Variants in LRCH3 observed in about 807,000 individuals in gnomAD.
LRCH3 encodes DISP complex protein LRCH3.
A neutral mutation model predicts 104.5 loss-of-function variants in LRCH3; 68 were observed. That is an observed-to-expected ratio of 0.65 (90% confidence interval 0.54 to 0.80). The LOEUF is 0.80. LRCH3 is among the 30% of genes least tolerant of loss of function. The pLI, the probability that LRCH3 is intolerant of heterozygous loss-of-function variation, is 0.00. For missense variants in LRCH3, 951 were observed against 953.9 expected (o/e 1.00, Z 0.04); for synonymous variants, 344 against 361.3 (o/e 0.95, Z 0.54).
rs572384791 is a variant in LRCH3 at position 197,844,465 on chromosome 3, C to T, written c.1329-2944C>T. On this transcript the variant is annotated intron_variant, in intron 10 of 20. Transcript: ENST00000425562. Reference sequence around the variant, plus strand: ...GGAGTGCAGTGGTGTCATCATAGCTCATAAGCAGCCTTGATCTCCTGGACT... The same window carrying T: ...GGAGTGCAGTGGTGTCATCATAGCTTATAAGCAGCCTTGATCTCCTGGACT... Among the ~76,000 whole-genome samples the T allele has an allele frequency of 5.9e-5, 9 of 152,208 alleles. No homozygotes were observed. In the East Asian group the frequency reaches 1.7e-3, roughly 29 times the overall value.
chr3:197,821,954 G>GTGAGCCACTGCACCTGGCCA lies in LRCH3; in HGVS notation c.640+1525_640+1544dup, dbSNP rs1380008375. ...CTGTCAGAGTGCTGGGATTATAGGC[G>GTGAGCCACTGCACCTGGCCA]TGAGCCACTGCACCTGGCCACAATA... On this transcript the variant is annotated intron_variant, in intron 4 of 20. Coordinates refer to ENST00000425562, the MANE Select transcript of LRCH3 (RefSeq NM_001365715.1). Among the ~76,000 whole-genome samples the GTGAGCCACTGCACCTGGCCA allele has an allele frequency of 2.6e-5, 4 of 152,182 alleles. No individual in the cohort carries two copies. The East Asian group carries it at 7.7e-4, about 29-fold the overall frequency.
At chr3:197,864,822 A>T (rs1380706836) in intron 15 of LRCH3, among the ~76,000 whole-genome samples, 3 of 150,422 alleles carry the variant, frequency 2.0e-5, no homozygotes, top group Admixed American at 6.6e-5. Flanking sequence ...GGAGGTTGAG[A>T]CTAACCTGGC....
rs752529036 is a variant in LRCH3 at position 197,814,948 on chromosome 3, A to G, written c.303A>G (p.Ala101=). ...GCCTTTCAGAAATTCCTATAGAAGC[A>G]TGTCACTTTGTTTCTCTGGAAAATC... ...RNRLSEIPIE[A]CHFVSLENLN... Residue 101 remains alanine, a synonymous_variant, in exon 2 of 21, where the codon GCA becomes GCG. Coordinates refer to ENST00000425562, the MANE Select transcript of LRCH3 (RefSeq NM_001365715.1). 1.9e-6 allele frequency: 3 copies of G among 1,601,702 alleles called. No individual in the cohort carries two copies. Among genetic ancestry groups the G allele is most frequent in the African/African-American group, 1.3e-5 (1 of 74,640 alleles).
chr3:197,797,144 A>G (rs1481816537), intron 1 of LRCH3, among the ~76,000 whole-genome samples: 3 of 152,020 alleles, frequency 2.0e-5, no homozygotes, highest in Admixed American at 6.6e-5. Flanking sequence ...CCTGGCCAAC[A>G]TGGTGAAACC....
chr3:197,791,568 C>T lies in LRCH3; in HGVS notation c.262+28C>T, dbSNP rs572039516. Reference sequence around the variant, plus strand: ...GAGCGGGGCGGGGGGCGTCTCTGCCCGTCGGAGACCCGGCGCCGGGAGCCG... The same window carrying T: ...GAGCGGGGCGGGGGGCGTCTCTGCCTGTCGGAGACCCGGCGCCGGGAGCCG... On this transcript the variant is annotated intron_variant, in intron 1 of 20. Transcript: ENST00000425562. 5 of 1,506,320 alleles carry T rather than the reference C, an allele frequency of 3.3e-6. No homozygotes were observed. The African/African-American group carries it at 5.9e-5, about 18-fold the overall frequency. 93.3% of individuals were successfully genotyped at this position (1,506,320 alleles called of 1,614,324 possible).
At chr3:197,800,447 G>C (rs1731751575) in intron 1 of LRCH3, among the ~76,000 whole-genome samples, 1 of 152,132 alleles carries the variant, frequency 6.6e-6, no homozygotes. Flanking sequence ...AACCTCATCA[G>C]TAATCAAGAG....
At chr3:197,858,122 A>T (rs767388369) in intron 14 of LRCH3, among the ~76,000 whole-genome samples, 19 of 151,760 alleles carry the variant, frequency 1.3e-4, no homozygotes, top group Non-Finnish European at 2.6e-4. Flanking sequence ...TCTGATTTCC[A>T]CTCTCCATGT....
At chr3:197,800,711 TATG>T (rs750108688) in intron 1 of LRCH3, among the ~76,000 whole-genome samples, 2 of 152,194 alleles carry the variant, frequency 1.3e-5, no homozygotes, top group Non-Finnish European at 2.9e-5. Flanking sequence ...GGATATATAG[TATG>T]ATAAGACTGT....
Position 197,805,734 on chromosome 3 carries a change from T to A in LRCH3, c.263-9174T>A, listed in dbSNP as rs1025775117. ...CAGAATGGTAAGATCTCTAGGCATC[T>A]CCCTGCTTGGCTGATATACTCCTCT... On this transcript the variant is annotated intron_variant, in intron 1 of 20. Coordinates refer to ENST00000425562, the MANE Select transcript of LRCH3 (RefSeq NM_001365715.1). Among the ~76,000 whole-genome samples the A allele has an allele frequency of 4.1e-4, 62 of 151,772 alleles. 1 individual carries two copies. Among genetic ancestry groups the A allele is most frequent in the Non-Finnish European group, 4.0e-4 (27 of 67,980 alleles).
At position 197,883,098 on chromosome 3, in the gene LRCH3, T is replaced by A; in HGVS notation, c.2209-443T>A. 1 of 986,178 alleles carries A rather than the reference T, an allele frequency of 1.0e-6. No homozygotes were observed. Among genetic ancestry groups the A allele is most frequent in the Non-Finnish European group, 1.2e-6 (1 of 830,470 alleles). The allele number at this position is 986,178 out of a possible 1,614,324, so 61.1% of individuals were successfully genotyped here. A position where few individuals can be genotyped will look rare whatever the true frequency, so the allele number is the denominator to read the frequency against. On this transcript the variant is annotated intron_variant, in intron 20 of 20. Transcript: ENST00000425562. This position sits in a 1 kb window ranked among gnomAD's most constrained non-coding sequence, Gnocchi z 4.2. ...CTGAGTTATGTTTTCAAACTATCTT[T>A]CATTCTTGTGGTAGGGAACTTACCC... is the stretch of plus-strand genomic sequence containing the variant.
intron 3 of LRCH3, 55 bp downstream of exon 3, chr3:197,817,357 T>TGTGTATATA: frequency 7.2e-6 from 1 of 138,524 alleles, no homozygotes. Flanking sequence ...TGTGTGTGTG[T>TGTGTATATA]GTGTATATAT....
intron 4 of LRCH3, among the ~76,000 whole-genome samples, chr3:197,824,466 C>T (rs1734886055): frequency 6.7e-6 from 1 of 149,248 alleles, no homozygotes; most frequent in Non-Finnish European, 1.5e-5. Flanking sequence ...AGCAGGCTTT[C>T]TGGTCAGACC....
intron 9 of LRCH3, among the ~76,000 whole-genome samples, chr3:197,838,775 T>C (rs1328051311): frequency 6.6e-6 from 1 of 152,242 alleles, no homozygotes; most frequent in African/African-American, 2.4e-5. Context: ...ATACGGTATT[T>C]TACCATAAAT....
chr3:197,876,624 TC>T (rs1712918889), intron 20 of LRCH3, among the ~76,000 whole-genome samples: 1 of 152,238 alleles, frequency 6.6e-6, no homozygotes, highest in Non-Finnish European at 1.5e-5. Context: ...TGATACTTTT[TC>T]ATTAACCACG....
chr3:197,845,439 C>G (rs1215854706), intron 10 of LRCH3, among the ~76,000 whole-genome samples: 1 of 149,068 alleles, frequency 6.7e-6, no homozygotes, highest in Non-Finnish European at 1.5e-5. Flanking sequence ...AAGAAAGAAA[C>G]ATAGGTAGAA....
intron 1 of LRCH3, among the ~76,000 whole-genome samples, chr3:197,791,746 C>G (rs1186549593): frequency 6.6e-6 from 1 of 152,166 alleles, no homozygotes; most frequent in African/African-American, 2.4e-5. Flanking sequence ...GCGGCGGCAT[C>G]TCTCGGGGAA....
In LRCH3 at chr3:197,832,277, C is replaced by T. The variant is rs141869162; in HGVS notation, c.1062C>T (p.Tyr354=). 491 of 1,613,896 alleles carry T rather than the reference C, an allele frequency of 3.0e-4. 2 individuals carry two copies. In the African/African-American group the frequency reaches 5.6e-3, roughly 18 times the overall value. ...KEQRLRRESQ[Y]QENRGSLVVT... is the part of the protein sequence containing the mutation. ...AAAGACTACGAAGAGAAAGCCAGTACCAAGAGAACCGCGGCAGTTTGGTAG... is the reference window on the plus strand; with the variant it reads ...AAAGACTACGAAGAGAAAGCCAGTATCAAGAGAACCGCGGCAGTTTGGTAG... The change falls in exon 8 of 21, where the codon TAC becomes TAT. Residue 354 remains tyrosine, a synonymous_variant. Coordinates refer to ENST00000425562, the MANE Select transcript of LRCH3 (RefSeq NM_001365715.1).
Position 197,791,441 on chromosome 3 carries a change from G to T in LRCH3, c.163G>T (p.Glu55Ter). 1 of 1,597,190 alleles carries T rather than the reference G, an allele frequency of 6.3e-7. No homozygotes were observed. The highest frequency in any genetic ancestry group is 8.5e-7 in the Non-Finnish European group (1 of 1,173,204). ...WSRSLDRALE[E>*]AAVTGVLSLS... ...CCGCTCTCTCGATCGAGCCCTGGAGGAGGCGGCGGTCACTGGGGTGCTGAG... is the reference window on the plus strand; with the variant it reads ...CCGCTCTCTCGATCGAGCCCTGGAGTAGGCGGCGGTCACTGGGGTGCTGAG... Residue 55 changes from glutamate to a stop codon, truncating the protein, a stop_gained, in exon 1 of 21, where the codon GAG becomes TAG. Coordinates refer to ENST00000425562, the MANE Select transcript of LRCH3 (RefSeq NM_001365715.1). LOFTEE classifies it high-confidence loss of function.
chr3:197,835,440 A>G (rs190374495), intron 8 of LRCH3, among the ~76,000 whole-genome samples: 2 of 132,996 alleles, frequency 1.5e-5, no homozygotes, highest in African/African-American at 5.8e-5. Flanking sequence ...CACCACCTCC[A>G]CCTCCCAAAG....
Sources: allele counts gnomAD v4.1 joint callset (sites outside exome capture counted in the v4.1 genomes callset), GRCh38; gene constraint gnomAD v4.1.1; non-coding constraint Gnocchi (gnomAD v3.1); transcripts MANE v1.5; gene names NCBI Gene and HGNC (gene_info 2026-07-23, HGNC 2026-07-21).